The following ENTREP1 variants were observed in gnomAD, a reference collection of about 807,000 sequenced individuals.
ENTREP1 encodes Friedreich ataxia region gene X123.
chr9:69,325,134 C>T, the ENTREP1 span: 2 of 1,041,034 alleles, frequency 1.9e-6, no homozygotes, highest in African/African-American at 3.4e-5. Flanking sequence ...CGGCTGGAGC[C>T]AGGGCAGCGG....
At chr9:69,325,081 G>T in the ENTREP1 span, 1 of 985,320 alleles carries the variant, frequency 1.0e-6, no homozygotes, top group African/African-American at 1.7e-5. Context: ...GTGCGCCCAG[G>T]GCCAGCGGGA....
chr9:69,329,800 G>A, the ENTREP1 span: 137,952 of 320,388 alleles, frequency 0.43, 4,820 homozygotes, highest in South Asian at 0.46. Context: ...CCACTGGGGT[G>A]TGGGAGTTAA....
At chr9:69,367,925 A>T in the ENTREP1 span, among the ~76,000 whole-genome samples, 23 of 147,874 alleles carry the variant, frequency 1.6e-4, no homozygotes, top group Non-Finnish European at 3.1e-4. Context: ...ACACACATAT[A>T]TATACACGTA....
the ENTREP1 span, among the ~76,000 whole-genome samples, chr9:69,344,969 A>G: frequency 4.6e-5 from 7 of 152,212 alleles, no homozygotes; most frequent in Non-Finnish European, 7.3e-5. Flanking sequence ...CATAATCAAG[A>G]ACTCTGAATG....
the ENTREP1 span, among the ~76,000 whole-genome samples, chr9:69,362,712 C>T: frequency 1.3e-5 from 2 of 151,904 alleles, no homozygotes; most frequent in Admixed American, 6.6e-5. Context: ...AGTCAGTGGG[C>T]GAGGAAAGGC....
chr9:69,385,455 A>G, the ENTREP1 span, among the ~76,000 whole-genome samples: 1 of 152,184 alleles, frequency 6.6e-6, no homozygotes, highest in African/African-American at 2.4e-5. Context: ...GGTGCTTTTC[A>G]GTACTGCCCC....
the ENTREP1 span, among the ~76,000 whole-genome samples, chr9:69,361,348 A>G: frequency 1.3e-5 from 2 of 151,916 alleles, no homozygotes; most frequent in Non-Finnish European, 1.5e-5. Context: ...GGTTATTTTT[A>G]TGTGTTCTAG....
chr9:69,371,120 A>G, the ENTREP1 span: 1 of 279,416 alleles, frequency 3.6e-6, no homozygotes, highest in Non-Finnish European at 6.9e-6. Context: ...TGTTTCACTT[A>G]TATTCCAGAG....
chr9:69,325,135 A>C, the ENTREP1 span: 3 of 1,031,644 alleles, frequency 2.9e-6, no homozygotes, highest in Non-Finnish European at 2.3e-6. Flanking sequence ...GGCTGGAGCC[A>C]GGGCAGCGGC....
the ENTREP1 span, among the ~76,000 whole-genome samples, chr9:69,340,955 T>C: frequency 6.6e-6 from 1 of 152,216 alleles, no homozygotes; most frequent in Non-Finnish European, 1.5e-5. Flanking sequence ...TTACAAATGA[T>C]GGACAATGCT....
chr9:69,388,448 C>G, the ENTREP1 span: 1 of 1,585,448 alleles, frequency 6.3e-7, no homozygotes, highest in Non-Finnish European at 8.6e-7. Flanking sequence ...TTTTCTAGAA[C>G]AGGTAGTTTT....
chr9:69,325,714 C>T, the ENTREP1 span: 2 of 1,228,738 alleles, frequency 1.6e-6, no homozygotes, highest in Admixed American at 4.2e-5. Flanking sequence ...CGTTCTGGGC[C>T]GGCTCCTCGG....
chr9:69,325,704 C>G, the ENTREP1 span: 4 of 1,229,904 alleles, frequency 3.3e-6, no homozygotes, highest in Non-Finnish European at 3.0e-6. Context: ...AACTCGTGCC[C>G]GTTCTGGGCC....
At chr9:69,333,942 G>T in the ENTREP1 span, among the ~76,000 whole-genome samples, 11 of 152,178 alleles carry the variant, frequency 7.2e-5, no homozygotes, top group Non-Finnish European at 1.3e-4. Flanking sequence ...CCTACACCCT[G>T]AGTCACAGAT....
the ENTREP1 span, among the ~76,000 whole-genome samples, chr9:69,352,817 G>A: frequency 6.6e-6 from 1 of 152,134 alleles, no homozygotes; most frequent in Admixed American, 6.6e-5. Flanking sequence ...AGAGAAACAA[G>A]CCTATGACCC....
At chr9:69,391,904 C>A in the ENTREP1 span, 1 of 1,175,886 alleles carries the variant, frequency 8.5e-7, no homozygotes, top group Non-Finnish European at 1.2e-6. Context: ...AAGGAGCACT[C>A]TGGAGGACAC....
chr9:69,391,800 T>C, the ENTREP1 span: 1 of 1,597,000 alleles, frequency 6.3e-7, no homozygotes, highest in Non-Finnish European at 8.5e-7. Flanking sequence ...GAGACTGTCC[T>C]GTGAACCCTG....
At chr9:69,386,362 A>ACTCATC in the ENTREP1 span, 367 of 152,968 alleles carry the variant, frequency 2.4e-3, 1 homozygote, top group African/African-American at 8.1e-3. Context: ...GTATGAGTAG[A>ACTCATC]TGATTGAATT....
the ENTREP1 span, chr9:69,375,587 C>T: frequency 1.6e-6 from 1 of 607,068 alleles, no homozygotes; most frequent in Non-Finnish European, 2.8e-6. Context: ...TGTTACCATG[C>T]TATACCCTAG....
Sources: gnomAD v4.1 joint callset for allele counts (sites outside exome capture counted in the v4.1 genomes callset) on GRCh38, gnomAD v4.1.1 for gene constraint, MANE v1.5 for transcripts, NCBI Gene and HGNC (gene_info 2026-07-23, HGNC 2026-07-21) for gene names.